The following SEMA4D variants were observed in gnomAD, a reference collection of about 807,000 sequenced individuals.
SEMA4D encodes semaphorin 4D.
Under a neutral mutation model 74.8 loss-of-function variants are expected in SEMA4D, and 22 were observed. The ratio of observed to expected loss-of-function variants is 0.29; its 90% CI spans 0.21 to 0.42. The LOEUF (loss-of-function observed/expected upper bound fraction) is 0.42. SEMA4D is among the 10% of genes least tolerant of loss of function. The pLI is 1.00. For synonymous variants in SEMA4D, 445 were observed against 463.7 expected (o/e 0.96, Z 0.52); for missense variants, 937 against 1,118.4 (o/e 0.84, Z 2.31).
chr9:89,445,727 G>A (rs1852660241), intron 2 of SEMA4D, among the ~76,000 whole-genome samples: 1 of 152,202 alleles, frequency 6.6e-6, no homozygotes. Context: ...AGTCCCCTCT[G>A]ACTTGGGAAG....
At chr9:89,367,850 C>G (rs558438861) in intron 16 of SEMA4D, 1 of 152,294 alleles carries the variant, frequency 6.6e-6, no homozygotes, top group Non-Finnish European at 1.5e-5. Context: ...GCAGCCTGGG[C>G]TCCAGCACTC....
chr9:89,369,161 GAAAC>G (rs746872016), intron 16 of SEMA4D: 1 of 152,144 alleles, frequency 6.6e-6, no homozygotes, highest in Non-Finnish European at 1.5e-5. Context: ...TCAAGAGTCT[GAAAC>G]AAAGGGAAAT....
At chr9:89,467,441 CCTT>C (rs1354782860) in intron 1 of SEMA4D, among the ~76,000 whole-genome samples, 2 of 150,908 alleles carry the variant, frequency 1.3e-5, no homozygotes, top group Admixed American at 1.3e-4. Flanking sequence ...TCATTCTCCT[CCTT>C]TGAGTTACCT....
downstream of SEMA4D, among the ~76,000 whole-genome samples, chr9:89,372,338 G>C (rs564818557): frequency 1.6e-5 from 2 of 121,214 alleles, no homozygotes; most frequent in Admixed American, 8.0e-5. Flanking sequence ...AGGTGTGTGT[G>C]GGGGGGTGTG....
chr9:89,467,097 G>C (rs1049134573), intron 1 of SEMA4D, among the ~76,000 whole-genome samples: 2 of 152,234 alleles, frequency 1.3e-5, no homozygotes, highest in African/African-American at 4.8e-5. Context: ...AGGCTGAAAA[G>C]TTTCCATGAC....
At chr9:89,375,842 A>T (rs13295774), downstream of SEMA4D, among the ~76,000 whole-genome samples, 10 of 151,948 alleles carry the variant, frequency 6.6e-5, no homozygotes, top group Non-Finnish European at 1.2e-4. Flanking sequence ...AGTACACTAG[A>T]CTCTCAATCT....
At chr9:89,398,718 C>G (rs1841549770) in intron 5 of SEMA4D, among the ~76,000 whole-genome samples, 1 of 152,178 alleles carries the variant, frequency 6.6e-6, no homozygotes, top group African/African-American at 2.4e-5. Context: ...CTGGGTGCCA[C>G]CCTCAGGGCT....
chr9:89,457,745 A>G (rs2135580575), intron 1 of SEMA4D, among the ~76,000 whole-genome samples: 1 of 148,492 alleles, frequency 6.7e-6, no homozygotes, highest in Non-Finnish European at 1.5e-5. Context: ...CAAATAAACA[A>G]AAAACAGGCC....
intron 2 of SEMA4D, among the ~76,000 whole-genome samples, chr9:89,419,136 T>A (rs1027757186): frequency 1.3e-5 from 2 of 152,038 alleles, no homozygotes; most frequent in Admixed American, 1.3e-4. Context: ...CTCTGAACCC[T>A]GAGCAGGCAC....
downstream of SEMA4D, among the ~76,000 whole-genome samples, chr9:89,372,384 T>G (rs1835221188): frequency 8.7e-6 from 1 of 115,130 alleles, no homozygotes; most frequent in Non-Finnish European, 1.8e-5. Flanking sequence ...GTCTGGGGTG[T>G]GGTGTGTCGG....
intron 17 of SEMA4D, chr9:89,363,673 T>C: frequency 6.3e-7 from 1 of 1,593,660 alleles, no homozygotes; most frequent in Non-Finnish European, 8.6e-7. Context: ...GCTGTTTTTT[T>C]CACTGCCATT....
At chr9:89,430,533 T>C (rs1368639317) in intron 2 of SEMA4D, among the ~76,000 whole-genome samples, 1 of 152,190 alleles carries the variant, frequency 6.6e-6, no homozygotes, top group African/African-American at 2.4e-5. Flanking sequence ...CCACAGTTAC[T>C]GGGGAGGGGG....
intron 11 of SEMA4D, 81 bp from the exon 12 acceptor site, chr9:89,387,689 G>C (rs768319892): frequency 6.5e-6 from 8 of 1,237,630 alleles, no homozygotes; most frequent in African/African-American, 3.0e-5. Context: ...GCCAACGCAG[G>C]GGGGGCTGCA....
At chr9:89,487,231 A>T (rs1223485171) in intron 1 of SEMA4D, among the ~76,000 whole-genome samples, 2 of 151,496 alleles carry the variant, frequency 1.3e-5, no homozygotes, top group Non-Finnish European at 2.9e-5. Context: ...AGAATGATTT[A>T]ACATTCAAAA....
chr9:89,384,669 C>G, intron 13 of SEMA4D: 1 of 985,406 alleles, frequency 1.0e-6, no homozygotes. Context: ...AAATAAAAAG[C>G]AAAACCCCAT....
chr9:89,460,793 C>A (rs191791861), intron 1 of SEMA4D, among the ~76,000 whole-genome samples: 2 of 152,258 alleles, frequency 1.3e-5, no homozygotes, highest in African/African-American at 4.8e-5. Flanking sequence ...TGCCCTCCAG[C>A]GTGGAACTCA....
rs1344001830 is a variant in SEMA4D at position 89,405,350 on chromosome 9, C to T, written c.106+1G>A. ...GCACCCCTGCAGGTTTCGTCACTCA[C>T]CTCTGTGCTCCCAGGTGATCCGGGG... On this transcript the variant is annotated splice_donor_variant, in intron 3 of 15. Coordinates refer to ENST00000422704, the MANE Select transcript of SEMA4D (RefSeq NM_001371194.2). LOFTEE classifies it high-confidence loss of function. 1 of 1,613,678 alleles carries T rather than the reference C, an allele frequency of 6.2e-7. No homozygotes were observed. The highest frequency in any genetic ancestry group is 1.1e-5 in the South Asian group (1 of 91,078).
chr9:89,418,829 G>A (rs1846264333), intron 2 of SEMA4D: 1 of 152,274 alleles, frequency 6.6e-6, no homozygotes, highest in African/African-American at 2.4e-5. Context: ...CAGGAGCCAC[G>A]TAATTGTTAA....
chr9:89,407,556 G>A (rs11265799), intron 2 of SEMA4D, among the ~76,000 whole-genome samples: 14,163 of 152,100 alleles, frequency 0.093, 1,038 homozygotes, highest in East Asian at 0.32. Context: ...CCTCCCTCCA[G>A]TCCACTGCCA....
Sources: gnomAD v4.1 joint callset for allele counts (sites outside exome capture counted in the v4.1 genomes callset) on GRCh38, gnomAD v4.1.1 for gene constraint, MANE v1.5 for transcripts, NCBI Gene and HGNC (gene_info 2026-07-23, HGNC 2026-07-21) for gene names.